Variants in ABCC3 observed in about 807,000 individuals in gnomAD.
ABCC3 encodes the protein ATP-binding cassette sub-family C member 3.
In ABCC3, 121 loss-of-function variants were observed where a neutral mutation model predicts 165.3. That is an observed-to-expected ratio of 0.73 (90% CI 0.63 to 0.85). ABCC3 has a LOEUF of 0.85. ABCC3 is among the 40% of genes least tolerant of loss of function. ABCC3 has a pLI of 0.00. For missense variants in ABCC3, 1,869 were observed against 1,964.1 expected (o/e 0.95, Z 0.92); for synonymous variants, 733 against 810.1 (o/e 0.90, Z 1.62).
intron 1 of ABCC3, among the ~76,000 whole-genome samples, chr17:50,641,246 G>A (rs1453661959): frequency 6.6e-6 from 1 of 152,196 alleles, no homozygotes; most frequent in Non-Finnish European, 1.5e-5. Flanking sequence ...CTGTTTAATC[G>A]CATTATTAAG....
intron 28 of ABCC3, 113 bp downstream of exon 28, chr17:50,684,220 G>C (rs1012573207): frequency 1.5e-6 from 2 of 1,369,982 alleles, no homozygotes; most frequent in African/African-American, 3.0e-5. Context: ...GGCTTGGGCA[G>C]GTGGGGAGGG....
chr17:50,679,566 G>T, intron 25 of ABCC3: 1 of 408,246 alleles, frequency 2.4e-6, no homozygotes, highest in Admixed American at 4.0e-5. Context: ...TGGAGAAACA[G>T]AAACCAAGGC....
In ABCC3 at chr17:50,675,469, T is replaced by C; in HGVS notation, c.2707T>C (p.Phe903Leu). Residue 903 changes from phenylalanine (F) to leucine (L), a missense_variant, in exon 20 of 31, where the codon TTT (phenylalanine) becomes CTT (leucine). Physicochemically the swap from Phe to Leu is conservative, Grantham distance 22. Transcript: ENST00000285238. ...DPVTYVVQKQFMRQLSALSSD... is the reference protein window; with the variant it reads ...DPVTYVVQKQLMRQLSALSSD... ...AGTCACCTATGTGGTCCAGAAGCAG[T>C]TTATGAGGTGAGTTCCTGAGAGCTC... is the stretch of plus-strand genomic sequence containing the variant. 6.2e-7 allele frequency: 1 copy of C among 1,612,876 alleles called. No individual in the cohort carries two copies.
chr17:50,683,324 T>G (rs1173367437), intron 26 of ABCC3, among the ~76,000 whole-genome samples: 1 of 144,528 alleles, frequency 6.9e-6, no homozygotes, highest in African/African-American at 2.6e-5. Context: ...CAATGAGCCA[T>G]GATTGAGACC....
At chr17:50,643,846 T>TA (rs1555582794) in intron 1 of ABCC3, among the ~76,000 whole-genome samples, 11 of 149,418 alleles carry the variant, frequency 7.4e-5, no homozygotes, top group Non-Finnish European at 1.6e-4. Flanking sequence ...GGAGATGCCA[T>TA]GGGGGGGGTC....
intron 1 of ABCC3, among the ~76,000 whole-genome samples, chr17:50,649,669 AGGAAGGGAGGGAG>A (rs777514119): frequency 2.1e-4 from 29 of 135,716 alleles, no homozygotes; most frequent in African/African-American, 7.5e-4. Context: ...GAAGGAAAGA[AGGAAGGGAGGGAG>A]GGAAGGGAAG....
At chr17:50,644,680 C>G (rs1027783625) in intron 1 of ABCC3, among the ~76,000 whole-genome samples, 11 of 152,018 alleles carry the variant, frequency 7.2e-5, no homozygotes, top group Admixed American at 1.3e-4. Context: ...CCACTGCACT[C>G]CAGCCGAGGT....
At chr17:50,668,781 C>T in intron 14 of ABCC3, 72 bp from the exon 15 acceptor site, 1 of 1,316,736 alleles carries the variant, frequency 7.6e-7, no homozygotes, top group South Asian at 1.2e-5. Context: ...TTTCCCCTGC[C>T]CCCCAGCCTC....
At chr17:50,636,115 G>A (rs568840942) in intron 1 of ABCC3, among the ~76,000 whole-genome samples, 1 of 152,270 alleles carries the variant, frequency 6.6e-6, no homozygotes, top group Admixed American at 6.5e-5. Flanking sequence ...GATTAAAGGT[G>A]CTTCTCTGTG....
intron 1 of ABCC3, among the ~76,000 whole-genome samples, chr17:50,648,747 C>T (rs1019372898): frequency 1.3e-5 from 2 of 152,160 alleles, no homozygotes; most frequent in Non-Finnish European, 2.9e-5. Flanking sequence ...AGTCCCAAAT[C>T]CACCTGCCCC....
At chr17:50,676,625 T>G in intron 23 of ABCC3, 37 bp downstream of exon 23, 1 of 1,560,214 alleles carries the variant, frequency 6.4e-7, no homozygotes, top group African/African-American at 1.3e-5. Context: ...GGGCGTGGTG[T>G]TATTGGGGCG....
rs543738423 is a variant in ABCC3, at chr17:50,665,237, G to A, written c.1423G>A (p.Ala475Thr). 6 of 1,613,898 alleles carry A rather than the reference G, an allele frequency of 3.7e-6. No individual in the cohort carries two copies. The highest frequency in any genetic ancestry group is 3.3e-5 in the Admixed American group (2 of 60,024). Residue 475 changes from alanine to threonine, a missense_variant, in exon 11 of 31, where the codon GCC becomes ACC. Transcript: ENST00000285238. ...CGGAGCTGTGGCCGTGAAGATGCGC[G>A]CCTTCCAGGTAGGTGCTGTCAGAGG... ...LNGAVAVKMR[A>T]FQVKQMKLKD...
At chr17:50,643,851 G>GA (rs1966937088) in intron 1 of ABCC3, among the ~76,000 whole-genome samples, 1 of 152,114 alleles carries the variant, frequency 6.6e-6, no homozygotes, top group Non-Finnish European at 1.5e-5. Context: ...TGCCATGGGG[G>GA]GGGTCTTGAG....
At chr17:50,672,316 A>G (rs995904392) in intron 17 of ABCC3, among the ~76,000 whole-genome samples, 1 of 152,232 alleles carries the variant, frequency 6.6e-6, no homozygotes, top group Non-Finnish European at 1.5e-5. Flanking sequence ...AATGTCCTCA[A>G]GGCATATCCA....
Position 50,667,559 on chromosome 17 carries a change from G to A in ABCC3, c.1437G>A (p.Lys479=), listed in dbSNP as rs1967549425. Residue 479 remains lysine, a synonymous_variant, in exon 12 of 31, where the codon AAG becomes AAA. Coordinates refer to ENST00000285238, the MANE Select transcript of ABCC3 (RefSeq NM_003786.4). ...VAVKMRAFQV[K]QMKLKDSRIK... ...CACTCTTTCTGCCTGCACAGGTAAA[G>A]CAAATGAAATTGAAGGACTCGCGCA... The A allele has an allele frequency of 4.4e-6, 7 of 1,608,224 alleles. No homozygotes were observed. Among genetic ancestry groups the A allele is most frequent in the Non-Finnish European group, 5.1e-6 (6 of 1,175,154 alleles).
At chr17:50,635,030 G>C in intron 1 of ABCC3, 49 bp downstream of exon 1, 2 of 1,251,754 alleles carry the variant, frequency 1.6e-6, no homozygotes, top group Non-Finnish European at 2.0e-6. Context: ...GGGTCGGCCG[G>C]CTTCGCCCGG....
At chr17:50,678,740 G>A (rs1270914286) in intron 25 of ABCC3, among the ~76,000 whole-genome samples, 1 of 152,182 alleles carries the variant, frequency 6.6e-6, no homozygotes, top group Non-Finnish European at 1.5e-5. Context: ...GGCCAACATG[G>A]TGAAACCCTA....
At chr17:50,638,043 C>T (rs554170594) in intron 1 of ABCC3, among the ~76,000 whole-genome samples, 11 of 152,356 alleles carry the variant, frequency 7.2e-5, no homozygotes, top group African/African-American at 2.6e-4. Flanking sequence ...CTCTCTCACC[C>T]ATATCGACTT....
intron 1 of ABCC3, among the ~76,000 whole-genome samples, chr17:50,639,147 A>G (rs1597836191): frequency 1.3e-5 from 2 of 152,318 alleles, no homozygotes; most frequent in Non-Finnish European, 2.9e-5. Context: ...CTTAGCAGAC[A>G]CCATAGCTCA....
Sources: allele counts gnomAD v4.1 joint callset (sites outside exome capture counted in the v4.1 genomes callset), GRCh38; gene constraint gnomAD v4.1.1; transcripts MANE v1.5; gene names NCBI Gene and HGNC (gene_info 2026-07-23, HGNC 2026-07-21).